The following MYO5B variants were observed in gnomAD, a reference collection of about 807,000 sequenced individuals.
The protein encoded by MYO5B is unconventional myosin-Vb.
Under a neutral mutation model 229.3 loss-of-function variants are expected in MYO5B, and 143 were observed. The observed-to-expected ratio is 0.62, with a 90% CI of 0.54 to 0.72. The LOEUF is 0.72. Ranked by LOEUF, MYO5B falls within the 30% of genes least tolerant of loss-of-function variation. MYO5B has a pLI of 0.00. For synonymous variants in MYO5B, 918 were observed against 885.2 expected, an observed-to-expected ratio of 1.04 and a Z score of -0.66; for missense variants, 2,321 against 2,331.0, an observed-to-expected ratio of 1.00 and a Z score of 0.09.
At chr18:49,904,153 T>C (rs2024873792) in intron 20 of MYO5B, among the ~76,000 whole-genome samples, 1 of 152,230 alleles carries the variant, frequency 6.6e-6, no homozygotes, top group Non-Finnish European at 1.5e-5. Flanking sequence ...TGATCCCCTA[T>C]GTTGGAGATG....
At chr18:49,990,839 T>C (rs965637204) in intron 6 of MYO5B, among the ~76,000 whole-genome samples, 1 of 152,232 alleles carries the variant, frequency 6.6e-6, no homozygotes, top group Non-Finnish European at 1.5e-5. Context: ...TATTCAGTCT[T>C]CTGTGCTGCT....
At chr18:49,905,856 G>C (rs1306031664) in intron 19 of MYO5B, among the ~76,000 whole-genome samples, 1 of 152,112 alleles carries the variant, frequency 6.6e-6, no homozygotes, top group African/African-American at 2.4e-5. Context: ...TCTTCTGCTC[G>C]GGGTCGAGCT....
At chr18:49,849,710 T>C (rs2024175415) in intron 31 of MYO5B, 50 bp from the exon 32 acceptor site, 1 of 1,453,208 alleles carries the variant, frequency 6.9e-7, no homozygotes, top group Admixed American at 1.7e-5. Flanking sequence ...CGGCCTGGGA[T>C]GGTGGGGGTA....
intron 1 of MYO5B, among the ~76,000 whole-genome samples, chr18:50,107,910 T>A (rs923822587): frequency 1.3e-5 from 2 of 152,158 alleles, no homozygotes; most frequent in African/African-American, 4.8e-5. Context: ...ACCATTATCC[T>A]TTTTTGTTGT....
At chr18:50,004,285 A>C (rs556568385) in intron 4 of MYO5B, among the ~76,000 whole-genome samples, 1 of 152,374 alleles carries the variant, frequency 6.6e-6, no homozygotes, top group South Asian at 2.1e-4. Context: ...TGCAAAAGGC[A>C]AATTTTGGTG....
intron 1 of MYO5B, among the ~76,000 whole-genome samples, chr18:50,183,338 T>TATA (rs58609074): frequency 7.3e-6 from 1 of 137,792 alleles, no homozygotes; most frequent in Non-Finnish European, 1.6e-5. Flanking sequence ...TATATATATA[T>TATA]CTCCTTCAAT....
chr18:49,980,465 A>T lies in MYO5B; in HGVS notation c.1035T>A (p.Asp345Glu), dbSNP rs768607625. 1 of 1,613,018 alleles carries T rather than the reference A, an allele frequency of 6.2e-7. No individual in the cohort carries two copies. Among genetic ancestry groups the T allele is most frequent in the Non-Finnish European group, 8.5e-7 (1 of 1,178,982 alleles). The change falls in exon 9 of 40, where the codon GAT becomes GAA. Residue 345 changes from aspartate to glutamate, a missense_variant. Asp to Glu is a conservative substitution (Grantham distance 45). Around this residue, in one of 2 missense-constraint regions of MYO5B, gnomAD observed 2,113 missense variants for 2,044.7 expected, o/e 1.03. Coordinates refer to ENST00000285039, the MANE Select transcript of MYO5B (RefSeq NM_001080467.3). ...TTACTGATATACTACAGGAATCACC[A>T]TCACGCTCAGCCTGAATCGCCACAC... ...LGSVAIQAER[D>E]GDSCSISPQD...
chr18:50,180,582 A>C (rs2033059357), intron 1 of MYO5B, among the ~76,000 whole-genome samples: 1 of 152,186 alleles, frequency 6.6e-6, no homozygotes, highest in Non-Finnish European at 1.5e-5. Flanking sequence ...ATCTTTTTAA[A>C]TGTACAGTTC....
At chr18:50,097,156 T>C (rs2031567178) in intron 1 of MYO5B, 1 of 444,956 alleles carries the variant, frequency 2.2e-6, no homozygotes, top group Non-Finnish European at 4.6e-6. Flanking sequence ...CAGTCTTTCA[T>C]TGCTGGTGTC....
rs1241846416 is a variant in MYO5B at position 49,872,239 on chromosome 18, G to A, written c.3538-7C>T. ...CAGTCTGTGGTGGTTCCGCCTGCAT[G>A]GATAGAGACACAAAGATAAGTGCAG... On this transcript the variant is annotated splice_polypyrimidine_tract_variant and splice_region_variant and intron_variant, in intron 26 of 39. Coordinates refer to ENST00000285039, the MANE Select transcript of MYO5B (RefSeq NM_001080467.3). 4 of 1,613,730 alleles carry A rather than the reference G, an allele frequency of 2.5e-6. No individual in the cohort carries two copies. The highest frequency in any genetic ancestry group is 2.7e-5 in the African/African-American group (2 of 74,910).
At chr18:50,091,039 C>A (rs1599013838) in intron 1 of MYO5B, among the ~76,000 whole-genome samples, 2 of 152,142 alleles carry the variant, frequency 1.3e-5, no homozygotes, top group African/African-American at 4.8e-5. Context: ...CAGGTATGTG[C>A]CTGGGTGTCC....
intron 1 of MYO5B, among the ~76,000 whole-genome samples, chr18:50,086,316 G>A (rs1479340334): frequency 3.3e-5 from 5 of 152,080 alleles, no homozygotes; most frequent in Admixed American, 6.6e-5. Flanking sequence ...CTATGTCTGT[G>A]TACCATGACT....
intron 17 of MYO5B, 51 bp downstream of exon 17, chr18:49,929,461 C>G: frequency 2.0e-6 from 3 of 1,492,070 alleles, no homozygotes; most frequent in Non-Finnish European, 2.7e-6. Context: ...GAACCAAACT[C>G]TGGCTGCTCT....
chr18:49,997,955 T>C (rs913603265), intron 5 of MYO5B, among the ~76,000 whole-genome samples: 21 of 152,188 alleles, frequency 1.4e-4, no homozygotes, highest in Non-Finnish European at 2.2e-4. Flanking sequence ...TGTCCCCTGA[T>C]TAAGACATGC....
intron 1 of MYO5B, among the ~76,000 whole-genome samples, chr18:50,079,979 C>A (rs1034302971): frequency 6.6e-6 from 1 of 152,178 alleles, no homozygotes; most frequent in African/African-American, 2.4e-5. Flanking sequence ...CTACCAGTGT[C>A]ATTTTCACAA....
chr18:50,040,927 G>C (rs550787430), intron 2 of MYO5B, among the ~76,000 whole-genome samples: 4 of 152,304 alleles, frequency 2.6e-5, no homozygotes, highest in South Asian at 4.1e-4. Flanking sequence ...TGTTATCCTT[G>C]TATTCTTAGC....
intron 1 of MYO5B, among the ~76,000 whole-genome samples, chr18:50,092,803 T>A (rs2031474660): frequency 6.6e-6 from 1 of 152,220 alleles, no homozygotes; most frequent in Non-Finnish European, 1.5e-5. Context: ...ACTCTAATAT[T>A]GAATTATTGA....
At chr18:49,982,123 G>T (rs2025822373) in intron 8 of MYO5B, among the ~76,000 whole-genome samples, 1 of 152,162 alleles carries the variant, frequency 6.6e-6, no homozygotes, top group Non-Finnish European at 1.5e-5. Context: ...TGTTGCTCAG[G>T]CTGGAGTCCA....
At chr18:50,153,025 A>G (rs1471777586) in intron 1 of MYO5B, among the ~76,000 whole-genome samples, 1 of 152,182 alleles carries the variant, frequency 6.6e-6, no homozygotes, top group African/African-American at 2.4e-5. Flanking sequence ...TACTGCTGGT[A>G]TATTCATGCA....
Sources: allele counts gnomAD v4.1 joint callset (sites outside exome capture counted in the v4.1 genomes callset), GRCh38; gene constraint gnomAD v4.1.1; regional missense constraint gnomAD v4.1.1; transcripts MANE v1.5; gene names NCBI Gene and HGNC (gene_info 2026-07-23, HGNC 2026-07-21).